The following CNTN5 variants were observed in gnomAD, a reference collection of about 807,000 sequenced individuals.
CNTN5 encodes the protein contactin 5.
A neutral mutation model predicts 129.1 loss-of-function variants in CNTN5; 77 were observed. The observed-to-expected ratio is 0.60, with a 90% CI of 0.50 to 0.72. CNTN5 has a LOEUF of 0.72. CNTN5 is among the 30% of genes least tolerant of loss of function. The probability of loss-of-function intolerance (pLI) is 0.00; values close to 1 mark genes in which losing one functional copy is unlikely to be tolerated. For synonymous variants in CNTN5, 509 were observed against 465.6 expected (o/e 1.09, Z -1.20); for missense variants, 1,478 against 1,328.8 (o/e 1.11, Z -1.75).
intron 13 of CNTN5, among the ~76,000 whole-genome samples, chr11:100,103,313 C>T (rs895086542): frequency 1.3e-5 from 2 of 152,124 alleles, no homozygotes; most frequent in African/African-American, 4.8e-5. Flanking sequence ...GCAAATGAGT[C>T]TTTGCCAGCT....
intron 3 of CNTN5, among the ~76,000 whole-genome samples, chr11:99,812,035 A>G (rs1031700244): frequency 9.2e-5 from 14 of 152,106 alleles, no homozygotes; most frequent in Non-Finnish European, 1.9e-4. Flanking sequence ...ATGGACCAGG[A>G]AAGTGAAGTA....
At chr11:99,859,213 A>T (rs979187150) in intron 6 of CNTN5, among the ~76,000 whole-genome samples, 5 of 152,222 alleles carry the variant, frequency 3.3e-5, no homozygotes, top group Admixed American at 3.3e-4. Flanking sequence ...TCTAATTTTG[A>T]GATCAGACTA....
intron 2 of CNTN5, among the ~76,000 whole-genome samples, chr11:99,455,819 G>A (rs1944476950): frequency 6.6e-6 from 1 of 152,110 alleles, no homozygotes; most frequent in African/African-American, 2.4e-5. Flanking sequence ...CAAGCCATTA[G>A]AGGAAATTTT....
chr11:99,523,438 C>A (rs568654444), intron 2 of CNTN5, among the ~76,000 whole-genome samples: 1 of 151,818 alleles, frequency 6.6e-6, no homozygotes, highest in Non-Finnish European at 1.5e-5. Flanking sequence ...CTACAAAAAA[C>A]ACAAAAATTA....
intron 1 of CNTN5, among the ~76,000 whole-genome samples, chr11:99,263,139 T>G (rs1183717856): frequency 1.3e-5 from 2 of 152,082 alleles, no homozygotes; most frequent in East Asian, 3.9e-4. Context: ...GGGAGGTAAT[T>G]TTGAGCACAG....
intron 9 of CNTN5, among the ~76,000 whole-genome samples, chr11:100,041,207 A>G (rs1037992404): frequency 6.6e-6 from 1 of 152,062 alleles, no homozygotes; most frequent in African/African-American, 2.4e-5. Context: ...AATATTTTTT[A>G]TCTCTCTTCC....
chr11:99,410,052 A>C (rs1280749534), intron 2 of CNTN5, among the ~76,000 whole-genome samples: 2 of 152,238 alleles, frequency 1.3e-5, no homozygotes, highest in African/African-American at 4.8e-5. Context: ...GGATATGATA[A>C]TTAATATCAT....
chr11:99,951,713 T>A (rs1265742950), intron 7 of CNTN5, among the ~76,000 whole-genome samples: 2 of 152,142 alleles, frequency 1.3e-5, no homozygotes, highest in African/African-American at 4.8e-5. Context: ...CATTCCAGAT[T>A]GTTAAAACTG....
chr11:99,971,221 G>C (rs1951241823), intron 8 of CNTN5, among the ~76,000 whole-genome samples: 1 of 152,022 alleles, frequency 6.6e-6, no homozygotes, highest in African/African-American at 2.4e-5. Context: ...CTGAGATGTT[G>C]AGAATTTTAT....
At position 100,141,389 on chromosome 11, in the gene CNTN5, A is replaced by C. The variant is rs188818491; in HGVS notation, c.1581-49737A>C. ...GGTGCCCTTTGAGGAACACACGAAC[A>C]GTTGGGACTTCCTAACTTCTGCTTT... On this transcript the variant is annotated intron_variant, in intron 13 of 24. Transcript: ENST00000524871. 9.9e-5 allele frequency among the ~76,000 whole-genome samples: 15 copies of C among 152,270 alleles called. No individual in the cohort carries two copies. In the East Asian group the frequency reaches 2.7e-3, roughly 27 times the overall value.
chr11:99,023,172 A>G (rs980948984), intron 1 of CNTN5, among the ~76,000 whole-genome samples: 1 of 152,234 alleles, frequency 6.6e-6, no homozygotes, highest in African/African-American at 2.4e-5. Flanking sequence ...ATTCTTAGTC[A>G]GGGAGCCAAC....
At chr11:99,823,819 A>G (rs1049350838) in intron 4 of CNTN5, among the ~76,000 whole-genome samples, 2 of 152,062 alleles carry the variant, frequency 1.3e-5, no homozygotes, top group African/African-American at 4.8e-5. Flanking sequence ...AGGAATTACT[A>G]TACTTATTTT....
intron 1 of CNTN5, among the ~76,000 whole-genome samples, chr11:99,253,380 A>C (rs1862212920): frequency 6.6e-6 from 1 of 152,118 alleles, no homozygotes; most frequent in Admixed American, 6.6e-5. Context: ...CAGCATGGGA[A>C]CAGACTAATA....
intron 9 of CNTN5, among the ~76,000 whole-genome samples, chr11:100,059,999 A>G (rs920753911): frequency 3.3e-5 from 5 of 152,132 alleles, no homozygotes; most frequent in Non-Finnish European, 7.4e-5. Flanking sequence ...ACTTGAAGTC[A>G]GGAGTTCGAA....
intron 3 of CNTN5, among the ~76,000 whole-genome samples, chr11:99,621,067 G>A (rs1022319243): frequency 1.3e-5 from 2 of 152,038 alleles, no homozygotes; most frequent in East Asian, 1.9e-4. Flanking sequence ...GGAGTACGGC[G>A]TCTGTGGTAG....
rs549206372 is a variant in CNTN5, at chr11:99,340,194, G to C, written c.-71+14710G>C. ...GATTGGGCAAGTGTCAGAGAAAGCA[G>C]TTTGGGATGGGAAGATTAAGGAGAT... On this transcript the variant is annotated intron_variant, in intron 2 of 24. Transcript: ENST00000524871. Among the ~76,000 whole-genome samples the C allele has an allele frequency of 5.5e-4, 83 of 152,278 alleles. 5 individuals are homozygous for C. The South Asian group carries it at 0.017, about 31-fold the overall frequency.
At chr11:100,208,114 G>T (rs1591393648) in intron 15 of CNTN5, among the ~76,000 whole-genome samples, 2 of 152,110 alleles carry the variant, frequency 1.3e-5, no homozygotes, top group East Asian at 3.9e-4. Context: ...TTGCTCATCT[G>T]CTGTAACTAT....
Position 99,250,945 on chromosome 11 carries a change from T to C in CNTN5, c.-209-74401T>C, listed in dbSNP as rs115718818. Among the ~76,000 whole-genome samples, 578 of 152,056 alleles carry C rather than the reference T, an allele frequency of 3.8e-3. 5 individuals are homozygous for C. Among genetic ancestry groups the C allele is most frequent in the African/African-American group, 0.012 (478 of 41,560 alleles). On this transcript the variant is annotated intron_variant, in intron 1 of 24. Coordinates refer to ENST00000524871, the MANE Select transcript of CNTN5 (RefSeq NM_014361.4). ...CTAAAATTTGTTCATATGGTTATTT[T>C]GAGTGTTATAGATTTCCCCAGGGTA...
chr11:99,411,499 G>T (rs1395661625), intron 2 of CNTN5, among the ~76,000 whole-genome samples: 1 of 152,168 alleles, frequency 6.6e-6, no homozygotes, highest in Admixed American at 6.5e-5. Context: ...CAGCCTGGAT[G>T]ACAGAATGAG....
Sources: gnomAD v4.1 joint callset for allele counts (sites outside exome capture counted in the v4.1 genomes callset) on GRCh38, gnomAD v4.1.1 for gene constraint, MANE v1.5 for transcripts, NCBI Gene and HGNC (gene_info 2026-07-23, HGNC 2026-07-21) for gene names.